GPC5: variants seen among roughly 807,000 people sequenced by gnomAD.
GPC5 encodes glypican-5.
A neutral mutation model predicts 53.9 loss-of-function variants in GPC5; 47 were observed. That is an observed-to-expected ratio of 0.87 (90% CI 0.69 to 1.11). The LOEUF is 1.11. Ranked by LOEUF, GPC5 falls within the 50% of genes most tolerant of loss-of-function variation. The pLI is 0.00. For missense variants in GPC5, 748 were observed against 713.1 expected (o/e 1.05, Z -0.56); for synonymous variants, 286 against 263.3 (o/e 1.09, Z -0.84).
At chr13:92,167,380 C>A (rs911884903) in intron 7 of GPC5, among the ~76,000 whole-genome samples, 9 of 151,950 alleles carry the variant, frequency 5.9e-5, no homozygotes, top group Non-Finnish European at 1.3e-4. Context: ...GCTCAGTTTG[C>A]AAATGATATA....
intron 6 of GPC5, among the ~76,000 whole-genome samples, chr13:92,110,546 C>T (rs1027691234): frequency 6.6e-5 from 10 of 151,552 alleles, no homozygotes; most frequent in African/African-American, 2.4e-4. Context: ...AAAAGACCCA[C>T]AGATATCTTT....
At chr13:92,013,876 T>C (rs576290333) in intron 6 of GPC5, among the ~76,000 whole-genome samples, 9 of 152,276 alleles carry the variant, frequency 5.9e-5, no homozygotes, top group African/African-American at 2.2e-4. Context: ...ATATAAAGCT[T>C]CATAAATCAA....
chr13:92,200,121 C>G (rs1566481642), intron 7 of GPC5, among the ~76,000 whole-genome samples: 1 of 152,258 alleles, frequency 6.6e-6, no homozygotes, highest in African/African-American at 2.4e-5. Context: ...GAAAGGATGA[C>G]TGTGTACTTT....
At chr13:91,668,453 C>G (rs1412311) in intron 2 of GPC5, among the ~76,000 whole-genome samples, 38,246 of 152,074 alleles carry the variant, frequency 0.25, 6,676 homozygotes, top group African/African-American at 0.49. Flanking sequence ...ATTCTTAACC[C>G]AAATTCTCAA....
chr13:92,346,128 A>G (rs960461570), intron 7 of GPC5, among the ~76,000 whole-genome samples: 8 of 152,192 alleles, frequency 5.3e-5, no homozygotes, highest in Non-Finnish European at 4.4e-5. Context: ...GCTTGACCTG[A>G]GCCATCAAAT....
intron 7 of GPC5, among the ~76,000 whole-genome samples, chr13:92,691,989 AT>A (rs1887415155): frequency 6.6e-6 from 1 of 152,112 alleles, no homozygotes; most frequent in South Asian, 2.1e-4. Flanking sequence ...GGTGAGCATA[AT>A]ATGGAACAGT....
intron 7 of GPC5, among the ~76,000 whole-genome samples, chr13:92,391,121 A>C (rs1278619513): frequency 6.6e-6 from 1 of 152,126 alleles, no homozygotes; most frequent in African/African-American, 2.4e-5. Flanking sequence ...GAGGCATCAC[A>C]AATCACATTT....
intron 7 of GPC5, among the ~76,000 whole-genome samples, chr13:92,383,846 G>A (rs2043770289): frequency 6.6e-6 from 1 of 152,056 alleles, no homozygotes; most frequent in Non-Finnish European, 1.5e-5. Flanking sequence ...CATAACTGCA[G>A]AAATACCAAT....
In GPC5 at chr13:92,807,462, T is replaced by C. The variant is rs555915191; in HGVS notation, c.1562-58820T>C. 7.9e-5 allele frequency among the ~76,000 whole-genome samples: 12 copies of C among 152,202 alleles called. No homozygotes were observed. The South Asian group carries it at 2.5e-3, about 32-fold the overall frequency. On this transcript the variant is annotated intron_variant, in intron 7 of 7. Coordinates refer to ENST00000377067, the MANE Select transcript of GPC5 (RefSeq NM_004466.6). ...TCAAGATCAGAGTCAGCTTTCAAGTTGCCACTGCTTGACTGTGTACTCTCA... is the reference window on the plus strand; with the variant it reads ...TCAAGATCAGAGTCAGCTTTCAAGTCGCCACTGCTTGACTGTGTACTCTCA...
chr13:91,625,815 T>A (rs148550015), intron 2 of GPC5, among the ~76,000 whole-genome samples: 2 of 152,124 alleles, frequency 1.3e-5, no homozygotes, highest in African/African-American at 4.8e-5. Flanking sequence ...AGAGTTTTCA[T>A]TGAAAATAGT....
chr13:92,790,263 C>A (rs751604729), intron 7 of GPC5, among the ~76,000 whole-genome samples: 11 of 152,098 alleles, frequency 7.2e-5, no homozygotes, highest in Non-Finnish European at 1.6e-4. Flanking sequence ...CAGTATTAAC[C>A]ATCACAGAAG....
intron 7 of GPC5, among the ~76,000 whole-genome samples, chr13:92,727,085 G>A (rs956775214): frequency 6.6e-6 from 1 of 151,430 alleles, no homozygotes; most frequent in African/African-American, 2.4e-5. Flanking sequence ...GGATATCTGT[G>A]TTTAAACCAC....
At chr13:91,823,890 C>T (rs2038534626) in intron 5 of GPC5, among the ~76,000 whole-genome samples, 1 of 152,006 alleles carries the variant, frequency 6.6e-6, no homozygotes, top group African/African-American at 2.4e-5. Context: ...TAATACCTGA[C>T]ATTTATAATT....
Position 92,464,712 on chromosome 13 carries a change from A to C in GPC5, c.1561+319723A>C, listed in dbSNP as rs577214504. On this transcript the variant is annotated intron_variant, in intron 7 of 7. Coordinates refer to ENST00000377067, the MANE Select transcript of GPC5 (RefSeq NM_004466.6). ...ATTGAACATATTGTTATTAATAGAA[A>C]TAGAAACTTTCAAAAATTACTTTAA... Among the ~76,000 whole-genome samples, 16 of 152,156 alleles carry C rather than the reference A, an allele frequency of 1.1e-4. No individual in the cohort carries two copies. The East Asian group carries it at 3.1e-3, about 29-fold the overall frequency.
intron 5 of GPC5, among the ~76,000 whole-genome samples, chr13:91,878,475 T>G (rs1365840621): frequency 6.6e-6 from 1 of 152,202 alleles, no homozygotes; most frequent in Admixed American, 6.5e-5. Flanking sequence ...ATATTACAAT[T>G]ATTTTATACA....
intron 6 of GPC5, among the ~76,000 whole-genome samples, chr13:91,986,181 T>A (rs796473966): frequency 4.1e-5 from 6 of 147,970 alleles, no homozygotes; most frequent in South Asian, 4.5e-4. Flanking sequence ...TTCTCCTGCC[T>A]CAGCCTCCCG....
At chr13:91,801,016 A>C (rs1471633706) in intron 5 of GPC5, among the ~76,000 whole-genome samples, 1 of 152,110 alleles carries the variant, frequency 6.6e-6, no homozygotes, top group African/African-American at 2.4e-5. Flanking sequence ...GACAATCTAC[A>C]TGCTTGTTAA....
intron 7 of GPC5, among the ~76,000 whole-genome samples, chr13:92,299,191 C>T (rs192052217): frequency 3.6e-4 from 54 of 151,952 alleles, no homozygotes; most frequent in African/African-American, 1.2e-3. Context: ...CCTTTTTTTT[C>T]TTTTGTCCCA....
chr13:91,708,799 C>T (rs2036164594), intron 3 of GPC5, among the ~76,000 whole-genome samples: 2 of 152,052 alleles, frequency 1.3e-5, no homozygotes, highest in Admixed American at 6.6e-5. Context: ...TGGGTTTGTT[C>T]TTTCTGTTGG....
Sources: allele counts gnomAD v4.1 joint callset (sites outside exome capture counted in the v4.1 genomes callset), GRCh38; gene constraint gnomAD v4.1.1; transcripts MANE v1.5; gene names NCBI Gene and HGNC (gene_info 2026-07-23, HGNC 2026-07-21).